The following CLEC16A variants were observed in gnomAD, a reference collection of about 807,000 sequenced individuals.
CLEC16A encodes protein CLEC16A.
CLEC16A carries 51 observed loss-of-function variants against 109.5 expected under a neutral mutation model. That is an observed-to-expected ratio of 0.47 (90% confidence interval 0.37 to 0.59). CLEC16A has a LOEUF of 0.59. Ranked by LOEUF, CLEC16A falls within the 20% of genes least tolerant of loss-of-function variation. The probability of loss-of-function intolerance (pLI) is 0.00; values close to 1 mark genes in which losing one functional copy is unlikely to be tolerated. For synonymous variants in CLEC16A, 673 were observed against 564.2 expected, an observed-to-expected ratio of 1.19 and a Z score of -2.73; for missense variants, 1,339 against 1,394.0, an observed-to-expected ratio of 0.96 and a Z score of 0.63.
intron 22 of CLEC16A, among the ~76,000 whole-genome samples, chr16:11,155,560 G>A (rs189012137): frequency 6.6e-6 from 1 of 152,366 alleles, no homozygotes; most frequent in African/African-American, 2.4e-5. Context: ...TCAGCTGTGG[G>A]TTTTTGAAGC....
intron 10 of CLEC16A, 97 bp downstream of exon 10, chr16:10,983,088 A>T: frequency 1.4e-6 from 1 of 704,416 alleles, no homozygotes. Context: ...CATTCTGAAT[A>T]TATAGCAGTG....
Position 11,020,252 on chromosome 16 carries a change from G to T in CLEC16A, c.1363G>T (p.Val455Leu). The T allele has an allele frequency of 1.9e-6, 3 of 1,613,832 alleles. No individual in the cohort carries two copies. Among genetic ancestry groups the T allele is most frequent in the Non-Finnish European group, 2.5e-6 (3 of 1,179,816 alleles). ...CTCAGAGCTGGCCGCCAGCACCTCC[G>T]TGCAGGAGCAGAACACCACGGACGA... ...KLSELAASTSVQEQNTTDEEK... is the reference protein window; with the variant it reads ...KLSELAASTSLQEQNTTDEEK... Residue 455 changes from valine (V) to leucine (L), a missense_variant, in exon 12 of 24, where the codon GTG becomes TTG. Transcript: ENST00000409790.
intron 12 of CLEC16A, chr16:11,024,057 A>G (rs1449191201): frequency 6.6e-6 from 1 of 152,210 alleles, no homozygotes; most frequent in African/African-American, 2.4e-5. Flanking sequence ...CTCACTATCG[A>G]TTCTTCGCAG....
intron 13 of CLEC16A, among the ~76,000 whole-genome samples, chr16:11,030,801 C>T (rs1173887731): frequency 1.3e-5 from 2 of 152,184 alleles, no homozygotes; most frequent in East Asian, 1.9e-4. Flanking sequence ...TGCGCCACCA[C>T]GCCCGGCTGA....
At chr16:10,986,736 T>A (rs1018889343) in intron 10 of CLEC16A, among the ~76,000 whole-genome samples, 13 of 100,642 alleles carry the variant, frequency 1.3e-4, no homozygotes, top group Admixed American at 6.2e-4. Flanking sequence ...GCTCAATGTG[T>A]GTGTGTGTGT....
At chr16:11,013,737 C>T (rs562502860) in intron 11 of CLEC16A, among the ~76,000 whole-genome samples, 6 of 151,780 alleles carry the variant, frequency 4.0e-5, no homozygotes, top group East Asian at 1.9e-4. Flanking sequence ...CCAGCCTAGG[C>T]GATGGAGTGA....
At chr16:11,137,277 G>T (rs1376669731) in intron 22 of CLEC16A, among the ~76,000 whole-genome samples, 2 of 151,952 alleles carry the variant, frequency 1.3e-5, no homozygotes, top group East Asian at 3.8e-4. Flanking sequence ...AGGTGTGAAG[G>T]CCCCTTTATG....
chr16:11,155,237 C>T (rs771724636), intron 22 of CLEC16A, among the ~76,000 whole-genome samples: 13 of 152,156 alleles, frequency 8.5e-5, no homozygotes, highest in Non-Finnish European at 1.3e-4. Context: ...ATTTAGATTG[C>T]GTTAATGCTT....
chr16:11,120,972 A>T (rs1323853236), intron 20 of CLEC16A, among the ~76,000 whole-genome samples: 1 of 152,192 alleles, frequency 6.6e-6, no homozygotes, highest in African/African-American at 2.4e-5. Flanking sequence ...CTTTGACCAA[A>T]ACGCTCGATT....
intron 22 of CLEC16A, chr16:11,156,700 G>C (rs1187600372): frequency 2.3e-6 from 3 of 1,294,744 alleles, no homozygotes; most frequent in East Asian, 5.6e-5. Context: ...CAGTGGAAGA[G>C]GGCAGGGGCT....
intron 13 of CLEC16A, among the ~76,000 whole-genome samples, chr16:11,037,310 A>G (rs1366535507): frequency 6.6e-6 from 1 of 152,186 alleles, no homozygotes; most frequent in Non-Finnish European, 1.5e-5. Flanking sequence ...ATCACCTGAA[A>G]GTGGTTTGAG....
chr16:11,156,581 G>A, intron 22 of CLEC16A: 1 of 1,304,162 alleles, frequency 7.7e-7, no homozygotes, highest in Non-Finnish European at 1.0e-6. Flanking sequence ...CAGCCCTGCT[G>A]ACTGCCGCAG....
At position 10,957,834 on chromosome 16, in the gene CLEC16A, A is replaced by T; in HGVS notation, c.133A>T (p.Asn45Tyr). 1.9e-6 allele frequency: 3 copies of T among 1,613,836 alleles called. No individual in the cohort carries two copies. The highest frequency in any genetic ancestry group is 2.5e-6 in the Non-Finnish European group (3 of 1,179,716). ...CACCACAGTCACAGAACAGAACCGG[A>T]ACCTGCTAGTGGAGACCATCCGTTC... ...KNTTVTEQNR[N>Y]LLVETIRSIT... Residue 45 changes from asparagine (N) to tyrosine (Y), a missense_variant, in exon 2 of 24, where the codon AAC (asparagine) becomes TAC (tyrosine). Physicochemically the swap from Asn to Tyr is moderately radical, Grantham distance 143 (BLOSUM62 -2). This residue lies in a region of CLEC16A where 117 missense variants were observed against 120.2 expected (regional missense o/e 0.97). Transcript: ENST00000409790.
chr16:10,990,286 G>A (rs1403041764), intron 10 of CLEC16A, among the ~76,000 whole-genome samples: 2 of 152,158 alleles, frequency 1.3e-5, no homozygotes, highest in African/African-American at 2.4e-5. Flanking sequence ...AGTATTGAAT[G>A]TGGCAGCTCT....
rs150398019 is a variant in CLEC16A at position 10,977,729 on chromosome 16, G to A, written c.903+330G>A. Among the ~76,000 whole-genome samples the A allele has an allele frequency of 2.9e-3, 444 of 152,244 alleles. 2 individuals are homozygous for A. The highest frequency in any genetic ancestry group is 0.01 in the African/African-American group (420 of 41,540). On this transcript the variant is annotated intron_variant, in intron 8 of 23. Coordinates refer to ENST00000409790, the MANE Select transcript of CLEC16A (RefSeq NM_015226.3). The stretch of plus-strand genomic sequence containing the variant: ...GGCGGCATTTCACCATGTTGGTCAG[G>A]CTGGTCTCAAACTCTTGACCTCAGG...
intron 19 of CLEC16A, among the ~76,000 whole-genome samples, chr16:11,089,614 C>T (rs1024484802): frequency 6.9e-6 from 1 of 144,350 alleles, no homozygotes; most frequent in Non-Finnish European, 1.5e-5. Context: ...TCTTTGTCAT[C>T]TGTGCCAGCA....
chr16:11,124,872 C>A (rs11648856), intron 21 of CLEC16A, among the ~76,000 whole-genome samples: 1 of 152,068 alleles, frequency 6.6e-6, no homozygotes, highest in Non-Finnish European at 1.5e-5. Context: ...AACTCACTTG[C>A]GCCCAGGAAT....
At chr16:11,113,252 C>T (rs2051724338) in intron 19 of CLEC16A, among the ~76,000 whole-genome samples, 1 of 152,240 alleles carries the variant, frequency 6.6e-6, no homozygotes, top group South Asian at 2.1e-4. Flanking sequence ...GCTCCCCAAC[C>T]CTGGCTGGGC....
At chr16:11,027,341 C>T (rs965977389) in intron 13 of CLEC16A, 1 of 1,407,644 alleles carries the variant, frequency 7.1e-7, no homozygotes, top group Non-Finnish European at 1.0e-6. Context: ...TGCAGAGAAC[C>T]ATTGCAAGAC....
Sources: gnomAD v4.1 joint callset for allele counts (sites outside exome capture counted in the v4.1 genomes callset) on GRCh38, gnomAD v4.1.1 for gene constraint, gnomAD v4.1.1 regional missense constraint, MANE v1.5 for transcripts, NCBI Gene and HGNC (gene_info 2026-07-23, HGNC 2026-07-21) for gene names.